Variants in STARD8 observed in about 807,000 individuals in gnomAD.
STARD8 encodes the protein StAR related lipid transfer domain containing 8.
STARD8 carries 25 observed loss-of-function variants against 69.4 expected under a neutral mutation model. The ratio of observed to expected loss-of-function variants is 0.36; its 90% CI spans 0.26 to 0.50. The LOEUF is 0.50. Among genes scored for constraint, STARD8 ranks in the 20% least tolerant of loss-of-function variants. STARD8 has a pLI of 0.96. For missense variants in STARD8, 921 were observed against 932.5 expected (o/e 0.99, Z 0.16); for synonymous variants, 389 against 374.6 (o/e 1.04, Z -0.45).
At chrX:68,704,710 G>T (rs979320838) in intron 2 of STARD8, among the ~76,000 whole-genome samples, 6 of 111,348 alleles carry the variant, frequency 5.4e-5, no homozygotes, top group African/African-American at 9.8e-5. Flanking sequence ...AGATGGGTTT[G>T]GTTTGCGTTG....
intron 12 of STARD8, 120 bp from the exon 13 acceptor site, chrX:68,723,506 G>A: frequency 1.7e-6 from 1 of 597,688 alleles, no homozygotes; most frequent in South Asian, 3.0e-5. Context: ...GCTAGCAGAG[G>A]AGCTCTGCAG....
chrX:68,669,439 C>A (rs1327013105), intron 2 of STARD8, among the ~76,000 whole-genome samples: 1 of 111,826 alleles, frequency 8.9e-6, no homozygotes, highest in Non-Finnish European at 1.9e-5. Context: ...ACTTACAAAC[C>A]CCACACTCCG....
Position 68,715,291 on chromosome X carries a change from C to A in STARD8, c.152-3C>A. On this transcript the variant is annotated splice_polypyrimidine_tract_variant and splice_region_variant and intron_variant, in intron 3 of 14. Transcript: ENST00000374599. ...CTCATCTTTGCTTCTCTCTGCCATA[C>A]AGAAGGTTCGTTTCCCCTGGATATT... The A allele has an allele frequency of 1.7e-6, 2 of 1,204,769 alleles. No homozygotes were observed. The highest frequency in any genetic ancestry group is 2.2e-6 in the Non-Finnish European group (2 of 891,339).
intron 2 of STARD8, among the ~76,000 whole-genome samples, chrX:68,696,634 G>T (rs892909915): frequency 9.0e-6 from 1 of 111,696 alleles, no homozygotes; most frequent in Non-Finnish European, 1.9e-5. Context: ...TTAACTCCAG[G>T]CTCTGCCGCC....
intron 2 of STARD8, among the ~76,000 whole-genome samples, chrX:68,703,527 G>T (rs1364358639): frequency 1.8e-5 from 2 of 112,513 alleles, no homozygotes; most frequent in Non-Finnish European, 3.8e-5. Context: ...TGGGGCTGGG[G>T]GAGGGGTCGT....
At chrX:68,662,330 C>G (rs1569353967) in intron 1 of STARD8, among the ~76,000 whole-genome samples, 1 of 111,030 alleles carries the variant, frequency 9.0e-6, no homozygotes, top group Non-Finnish European at 1.9e-5. Flanking sequence ...TTGCCTAGGC[C>G]CCCCATTCCC....
rs144992754 is a variant in STARD8 at position 68,717,852 on chromosome X, C to T, written c.938C>T (p.Ser313Phe). 8.3e-7 allele frequency: 1 copy of T among 1,210,556 alleles called. No individual in the cohort carries two copies. Among genetic ancestry groups the T allele is most frequent in the Non-Finnish European group, 1.1e-6 (1 of 894,893 alleles). ...CACAAACCAGGCACATTCCCTCGCTCCCTGTCCATTGAGAGCCTGTGTCCT... is the reference window on the plus strand; with the variant it reads ...CACAAACCAGGCACATTCCCTCGCTTCCTGTCCATTGAGAGCCTGTGTCCT... The part of the protein sequence containing the change: ...GDHKPGTFPR[S>F]LSIESLCPED... Residue 313 changes from serine to phenylalanine, a missense_variant, in exon 6 of 15, where the codon TCC becomes TTC. Transcript: ENST00000374599.
At chrX:68,657,658 T>C (rs2079619195) in intron 1 of STARD8, among the ~76,000 whole-genome samples, 1 of 111,794 alleles carries the variant, frequency 8.9e-6, no homozygotes, top group Non-Finnish European at 1.9e-5. Context: ...GAAGTGTGAG[T>C]AATTCCTGCA....
intron 2 of STARD8, among the ~76,000 whole-genome samples, chrX:68,695,404 T>C (rs1365766868): frequency 1.8e-5 from 2 of 111,335 alleles, no homozygotes; most frequent in Non-Finnish European, 3.8e-5. Flanking sequence ...TGTTGGACTT[T>C]GGATTTTGGA....
intron 4 of STARD8, 54 bp downstream of exon 4, chrX:68,715,429 C>T: frequency 9.4e-7 from 1 of 1,061,365 alleles, no homozygotes; most frequent in Non-Finnish European, 1.3e-6. Context: ...TTGAAGCTTC[C>T]TCGTGGAAAA....
chrX:68,686,370 G>A (rs1473550963), intron 2 of STARD8, among the ~76,000 whole-genome samples: 3 of 112,793 alleles, frequency 2.7e-5, no homozygotes, highest in Non-Finnish European at 3.8e-5. Context: ...TACCCGAGGC[G>A]CCAGCACTCC....
chrX:68,666,652 G>T (rs2079685479), intron 2 of STARD8, among the ~76,000 whole-genome samples: 1 of 111,783 alleles, frequency 8.9e-6, no homozygotes, highest in African/African-American at 3.3e-5. Flanking sequence ...ATAGGTGAGG[G>T]GTTTATTTGC....
At chrX:68,707,367 A>G (rs1205838933) in intron 2 of STARD8, among the ~76,000 whole-genome samples, 1 of 112,203 alleles carries the variant, frequency 8.9e-6, no homozygotes, top group Middle Eastern at 4.6e-3. Context: ...AGGTCTAGAG[A>G]GAACGTGGGC....
chrX:68,679,423 A>G, intron 2 of STARD8, among the ~76,000 whole-genome samples: 1 of 111,591 alleles, frequency 9.0e-6, no homozygotes, highest in East Asian at 2.8e-4. Flanking sequence ...AGATAAAGAC[A>G]TTGTAACTCT....
intron 1 of STARD8, among the ~76,000 whole-genome samples, chrX:68,653,391 A>C (rs1288390615): frequency 1.1e-4 from 4 of 37,245 alleles, no homozygotes; most frequent in African/African-American, 1.0e-4. Flanking sequence ...ACACACACAC[A>C]CCCCACACAC....
intron 2 of STARD8, among the ~76,000 whole-genome samples, chrX:68,668,073 CT>C (rs1055727756): frequency 2.3e-5 from 2 of 87,566 alleles, no homozygotes; most frequent in African/African-American, 9.0e-5. Flanking sequence ...TTCTTTCTTT[CT>C]TTCTTTCTTT....
At chrX:68,654,917 G>C (rs757040026) in intron 1 of STARD8, among the ~76,000 whole-genome samples, 18 of 112,335 alleles carry the variant, frequency 1.6e-4, no homozygotes, top group Non-Finnish European at 1.9e-4. Context: ...TTCACTCCCA[G>C]CCTCCAGGAT....
chrX:68,682,134 G>A (rs1218619568), intron 2 of STARD8, among the ~76,000 whole-genome samples: 1 of 110,305 alleles, frequency 9.1e-6, no homozygotes, highest in Admixed American at 9.6e-5. Flanking sequence ...GAGTAGCTGG[G>A]ACTACAGGCG....
At chrX:68,673,746 C>T (rs1370904410) in intron 2 of STARD8, among the ~76,000 whole-genome samples, 1 of 111,785 alleles carries the variant, frequency 8.9e-6, no homozygotes, top group African/African-American at 3.3e-5. Context: ...TACACATGTA[C>T]ATGTGTCACA....
Sources: allele counts gnomAD v4.1 joint callset (sites outside exome capture counted in the v4.1 genomes callset), GRCh38; gene constraint gnomAD v4.1.1; transcripts MANE v1.5; gene names NCBI Gene and HGNC (gene_info 2026-07-23, HGNC 2026-07-21).